Variants in ACOXL observed in about 807,000 individuals in gnomAD.
ACOXL encodes acyl-CoA oxidase like.
A neutral mutation model predicts 71.9 loss-of-function variants in ACOXL; 70 were observed. The ratio of observed to expected loss-of-function variants is 0.97; its 90% CI spans 0.80 to 1.19. The LOEUF is 1.19. ACOXL is among the 50% of genes most tolerant of loss of function. The pLI, the probability that ACOXL is intolerant of heterozygous loss-of-function variation, is 0.00. For missense variants in ACOXL, 703 were observed against 736.3 expected (o/e 0.95, Z 0.52); for synonymous variants, 253 against 281.6 (o/e 0.90, Z 1.02).
In ACOXL at chr2:111,118,265, C is replaced by G. The variant is rs2070486728; in HGVS notation, c.*449C>G. ...CACCCTTAGACAAAAGAAAAAAGCTCCACTCTTTCCGCGAGCGGGAAAAAA... is the reference window on the plus strand; with the variant it reads ...CACCCTTAGACAAAAGAAAAAAGCTGCACTCTTTCCGCGAGCGGGAAAAAA... On this transcript the variant is annotated 3_prime_UTR_variant, in exon 18 of 18. Transcript: ENST00000439055. 5.8e-6 allele frequency: 1 copy of G among 173,294 alleles called. No homozygotes were observed. Among genetic ancestry groups the G allele is most frequent in the Non-Finnish European group, 1.2e-5 (1 of 82,694 alleles). 10.7% of individuals were successfully genotyped at this position (173,294 alleles called of 1,614,324 possible).
intron 10 of ACOXL, among the ~76,000 whole-genome samples, chr2:110,872,940 C>T (rs914191105): frequency 6.6e-6 from 1 of 152,212 alleles, no homozygotes; most frequent in Admixed American, 6.5e-5. Flanking sequence ...GCGGGAGCAG[C>T]ACTAGGTTGT....
intron 17 of ACOXL, among the ~76,000 whole-genome samples, chr2:111,104,426 A>T (rs2150060940): frequency 6.6e-6 from 1 of 152,300 alleles, no homozygotes; most frequent in East Asian, 1.9e-4. Flanking sequence ...TTTTTTTTAG[A>T]GTGGCTGTAA....
At chr2:111,060,871 C>T (rs919346316) in intron 16 of ACOXL, among the ~76,000 whole-genome samples, 1 of 151,952 alleles carries the variant, frequency 6.6e-6, no homozygotes, top group African/African-American at 2.4e-5. Flanking sequence ...AATATAACAA[C>T]TGAAATAAGA....
At chr2:111,088,487 T>C (rs1452712299) in intron 16 of ACOXL, among the ~76,000 whole-genome samples, 1 of 152,160 alleles carries the variant, frequency 6.6e-6, no homozygotes, top group East Asian at 1.9e-4. Context: ...TGCAGGAACA[T>C]GGATAGAACT....
intron 16 of ACOXL, among the ~76,000 whole-genome samples, chr2:111,087,169 G>A (rs1299971190): frequency 2.0e-5 from 3 of 152,094 alleles, no homozygotes; most frequent in Non-Finnish European, 2.9e-5. Flanking sequence ...CAGACAAATG[G>A]AAAAACATTC....
At chr2:111,089,284 G>A (rs929432437) in intron 16 of ACOXL, among the ~76,000 whole-genome samples, 4 of 152,068 alleles carry the variant, frequency 2.6e-5, no homozygotes, top group Non-Finnish European at 4.4e-5. Flanking sequence ...GCGATAGACC[G>A]AGACTCCGTC....
chr2:110,960,067 G>A (rs1289159581), intron 12 of ACOXL, among the ~76,000 whole-genome samples: 2 of 152,174 alleles, frequency 1.3e-5, no homozygotes, highest in African/African-American at 4.8e-5. Context: ...AAACAGAGAG[G>A]TAGGGACACC....
At chr2:110,833,105 A>G (rs1218841830) in intron 9 of ACOXL, among the ~76,000 whole-genome samples, 1 of 152,224 alleles carries the variant, frequency 6.6e-6, no homozygotes, top group Non-Finnish European at 1.5e-5. Context: ...TTTTCCACAA[A>G]TACCTGAAAA....
intron 9 of ACOXL, among the ~76,000 whole-genome samples, chr2:110,826,751 GCTTTTTTTTTTTTTTTC>G (rs370444459): frequency 0.025 from 3,515 of 142,318 alleles, 154 homozygotes; most frequent in African/African-American, 0.087. Context: ...TTCTCTCTTT[GCTTTTTTTTTTTTTTTC>G]CTTTTTTTTT....
chr2:111,012,908 A>T (rs1268102769), intron 14 of ACOXL, among the ~76,000 whole-genome samples: 1 of 152,218 alleles, frequency 6.6e-6, no homozygotes, highest in East Asian at 1.9e-4. Flanking sequence ...CTAGAACAAG[A>T]AGAGCAAAAT....
At chr2:110,784,877 A>G in intron 3 of ACOXL, 62 bp downstream of exon 3, 4 of 1,492,542 alleles carry the variant, frequency 2.7e-6, no homozygotes, top group Admixed American at 4.3e-5. Context: ...CCAAGGAATG[A>G]AAACTATAAC....
chr2:111,116,331 G>T (rs553230050), intron 17 of ACOXL, among the ~76,000 whole-genome samples: 1 of 152,330 alleles, frequency 6.6e-6, no homozygotes, highest in South Asian at 2.1e-4. Context: ...TGTGAAGAAT[G>T]AAGTTTTTCA....
At chr2:110,916,239 C>CT (rs147892373) in intron 11 of ACOXL, among the ~76,000 whole-genome samples, 45 of 148,250 alleles carry the variant, frequency 3.0e-4, no homozygotes, top group East Asian at 7.9e-4. Flanking sequence ...TTGTGGCTTC[C>CT]TTTTTTTTTT....
chr2:111,051,191 C>CTATT (rs1316920561), intron 16 of ACOXL, among the ~76,000 whole-genome samples: 2 of 151,624 alleles, frequency 1.3e-5, no homozygotes, highest in Admixed American at 6.6e-5. Flanking sequence ...TATACTGAAA[C>CTATT]TATTTTATGA....
intron 12 of ACOXL, chr2:110,963,680 C>G: frequency 6.2e-7 from 1 of 1,613,774 alleles, no homozygotes; most frequent in Non-Finnish European, 8.5e-7. Flanking sequence ...ATGTGTTTGC[C>G]ACTTTTGAAG....
At chr2:111,117,117 C>T (rs13405347) in intron 17 of ACOXL, among the ~76,000 whole-genome samples, 1 of 152,212 alleles carries the variant, frequency 6.6e-6, no homozygotes, top group Non-Finnish European at 1.5e-5. Context: ...AGGCGCTAGT[C>T]TGGGGAGACT....
chr2:110,796,419 A>G (rs1379822140), intron 5 of ACOXL, among the ~76,000 whole-genome samples: 3 of 152,196 alleles, frequency 2.0e-5, no homozygotes, highest in East Asian at 3.8e-4. Flanking sequence ...AACTGACACA[A>G]TGGTGTGTGT....
Position 110,880,947 on chromosome 2 carries a change from A to G in ACOXL, c.789-27842A>G, listed in dbSNP as rs374472330. 3.9e-5 allele frequency among the ~76,000 whole-genome samples: 6 copies of G among 152,228 alleles called. No homozygotes were observed. In the East Asian group the frequency reaches 9.6e-4, roughly 24 times the overall value. ...TTTCCTCATTGTTTCTGGATTTTTA[A>G]TCTCTTAGGAAGAACTTCCTCATGT... On this transcript the variant is annotated intron_variant, in intron 10 of 17. Coordinates refer to ENST00000439055, the MANE Select transcript of ACOXL (RefSeq NM_001142807.4).
intron 10 of ACOXL, among the ~76,000 whole-genome samples, chr2:110,848,100 G>A (rs986370251): frequency 1.7e-4 from 26 of 152,230 alleles, no homozygotes; most frequent in Non-Finnish European, 3.4e-4. Context: ...CAGCCATCAG[G>A]CCTATTGGAT....
Sources: allele counts gnomAD v4.1 joint callset (sites outside exome capture counted in the v4.1 genomes callset), GRCh38; gene constraint gnomAD v4.1.1; transcripts MANE v1.5; gene names NCBI Gene and HGNC (gene_info 2026-07-23, HGNC 2026-07-21).